The following USP54 variants were observed in gnomAD, a reference collection of about 807,000 sequenced individuals.
The protein encoded by USP54 is ubiquitin specific peptidase 54, also known as ubiquitin carboxyl-terminal hydrolase 54.
In USP54, 87 loss-of-function variants were observed where a neutral mutation model predicts 170.5. The observed-to-expected ratio is 0.51, with a 90% CI of 0.43 to 0.61. The LOEUF is 0.61. Ranked by LOEUF, USP54 falls within the 20% of genes least tolerant of loss-of-function variation. The pLI, the probability that USP54 is intolerant of heterozygous loss-of-function variation, is 0.00. For synonymous variants in USP54, 655 were observed against 742.8 expected (o/e 0.88, Z 1.92); for missense variants, 1,786 against 2,047.8 (o/e 0.87, Z 2.47).
intron 1 of USP54, chr10:73,613,921 G>A (rs1359006924): frequency 2.0e-5 from 3 of 151,070 alleles, no homozygotes; most frequent in Non-Finnish European, 4.4e-5. Context: ...ATTATAGTTA[G>A]CAAAAGGATT....
At chr10:73,548,122 A>G (rs2133579803) in intron 4 of USP54, among the ~76,000 whole-genome samples, 1 of 152,364 alleles carries the variant, frequency 6.6e-6, no homozygotes, top group Admixed American at 6.5e-5. Flanking sequence ...CAACAGACAC[A>G]TGAAAAAATG....
At chr10:73,549,623 T>C (rs2068744940) in intron 4 of USP54, among the ~76,000 whole-genome samples, 1 of 152,066 alleles carries the variant, frequency 6.6e-6, no homozygotes, top group Non-Finnish European at 1.5e-5. Context: ...CAAATATATC[T>C]AGACCCTATT....
Position 73,541,449 on chromosome 10 carries a change from C to T in USP54, c.751G>A (p.Val251Ile). 1.9e-6 allele frequency: 3 copies of T among 1,614,194 alleles called. No individual in the cohort carries two copies. The highest frequency in any genetic ancestry group is 1.7e-6 in the Non-Finnish European group (2 of 1,180,032). ...AAGTCTGAGTGGTCTGAGTCCCATA[C>T]CAGCCCAATCGTGATAATCTGTGGA... ...NAPQIITIGL[V>I]WDSDHSDLAE... Residue 251 changes from valine (V) to isoleucine (I), a missense_variant, in exon 9 of 24, where the codon GTA (valine) becomes ATA (isoleucine). Val to Ile is a conservative substitution (Grantham distance 29, BLOSUM62 3). Transcript: ENST00000687698.
chr10:73,570,407 TA>T (rs10601969), intron 4 of USP54, among the ~76,000 whole-genome samples: 26,099 of 143,882 alleles, frequency 0.18, 5,206 homozygotes, highest in African/African-American at 0.49. Flanking sequence ...GGTGGGGAAG[TA>T]AAAAAAAAAA....
intron 1 of USP54, among the ~76,000 whole-genome samples, chr10:73,590,927 T>C (rs1448910949): frequency 6.6e-6 from 1 of 152,136 alleles, no homozygotes; most frequent in Non-Finnish European, 1.5e-5. Flanking sequence ...AACCTTCTTC[T>C]GTTTGAAGGA....
chr10:73,562,697 T>C (rs1317048765), intron 4 of USP54, among the ~76,000 whole-genome samples: 1 of 152,208 alleles, frequency 6.6e-6, no homozygotes, highest in East Asian at 1.9e-4. Flanking sequence ...TCTAGTGTAG[T>C]TGGAATGTGT....
intron 4 of USP54, among the ~76,000 whole-genome samples, chr10:73,562,269 T>C (rs988289331): frequency 3.9e-5 from 6 of 152,096 alleles, no homozygotes; most frequent in African/African-American, 9.7e-5. Flanking sequence ...ACATAACATA[T>C]ACACATACAT....
chr10:73,563,668 CTCAGGAGA>C, intron 4 of USP54, among the ~76,000 whole-genome samples: 1 of 151,960 alleles, frequency 6.6e-6, no homozygotes, highest in Admixed American at 6.5e-5. Flanking sequence ...AACTCCCGAC[CTCAGGAGA>C]TCTGCCCGCC....
chr10:73,604,886 CCA>C (rs1484477814), intron 1 of USP54, among the ~76,000 whole-genome samples: 2 of 152,130 alleles, frequency 1.3e-5, no homozygotes, highest in Non-Finnish European at 2.9e-5. Context: ...AACAAAGCTT[CCA>C]CAGTGTGGAA....
chr10:73,559,059 C>T (rs753799666), intron 4 of USP54, among the ~76,000 whole-genome samples: 3 of 151,986 alleles, frequency 2.0e-5, no homozygotes, highest in Non-Finnish European at 2.9e-5. Context: ...CCGTGTTGTT[C>T]AACGGTTAAC....
chr10:73,527,342 A>C (rs1038923142), intron 15 of USP54, among the ~76,000 whole-genome samples: 2 of 152,022 alleles, frequency 1.3e-5, no homozygotes, highest in Non-Finnish European at 1.5e-5. Flanking sequence ...TACTAAAATT[A>C]CAAAAATTAG....
chr10:73,604,336 G>A (rs2079447723), intron 1 of USP54, among the ~76,000 whole-genome samples: 1 of 152,138 alleles, frequency 6.6e-6, no homozygotes, highest in Admixed American at 6.6e-5. Flanking sequence ...ACATTGGTAA[G>A]AATGTCAAAT....
intron 1 of USP54, among the ~76,000 whole-genome samples, chr10:73,589,666 A>G (rs920512184): frequency 1.3e-5 from 2 of 152,178 alleles, no homozygotes; most frequent in Non-Finnish European, 2.9e-5. Context: ...GCTATCAACA[A>G]GAGGAAAAAA....
upstream of USP54, among the ~76,000 whole-genome samples, chr10:73,595,170 C>T (rs751051474): frequency 6.6e-6 from 1 of 152,040 alleles, no homozygotes; most frequent in Non-Finnish European, 1.5e-5. Flanking sequence ...AGGTGATCCA[C>T]CCACCTCAGC....
chr10:73,618,976 A>G (rs113546478), intron 1 of USP54, among the ~76,000 whole-genome samples: 5,396 of 149,726 alleles, frequency 0.036, 200 homozygotes, highest in South Asian at 0.12. Context: ...ACTTTGGGAG[A>G]CCGAGGCAGG....
chr10:73,543,273 A>T (rs1022725908), intron 5 of USP54, 142 bp from the exon 6 acceptor site: 2 of 622,668 alleles, frequency 3.2e-6, no homozygotes, highest in Middle Eastern at 8.7e-4. Context: ...AGTTTAAAAA[A>T]ATTATAAATT....
intron 1 of USP54, among the ~76,000 whole-genome samples, chr10:73,598,453 A>G (rs2078905587): frequency 1.3e-5 from 2 of 152,174 alleles, no homozygotes; most frequent in Admixed American, 1.3e-4. Flanking sequence ...GTAACAAAAG[A>G]AAAAAATACA....
intron 1 of USP54, among the ~76,000 whole-genome samples, chr10:73,580,425 C>T (rs1055930219): frequency 4.6e-5 from 7 of 151,728 alleles, no homozygotes; most frequent in Non-Finnish European, 7.4e-5. Context: ...AACAATGTTT[C>T]AGTCAAGAAG....
chr10:73,499,170 T>C lies in USP54; in HGVS notation c.4514A>G (p.Gln1505Arg). 6.2e-7 allele frequency: 1 copy of C among 1,606,786 alleles called. No individual in the cohort carries two copies. Among genetic ancestry groups the C allele is most frequent in the Non-Finnish European group, 8.5e-7 (1 of 1,177,214 alleles). The change falls in exon 24 of 24, where the codon CAG becomes CGG. Residue 1505 changes from glutamine (Q) to arginine (R), a missense_variant. Physicochemically the swap from Gln to Arg is conservative, Grantham distance 43. This residue lies in a region of USP54 where 1,418 missense variants were observed against 1,569.0 expected (regional missense o/e 0.90). Coordinates refer to ENST00000687698, the MANE Select transcript of USP54 (RefSeq NM_001391956.1). ...NRLPGTSRSV[Q>R]QFLAMCDRGE... ...CCTGTCACACATAGCCAGAAACTGC[T>C]GGACACTCCTTGAAGTTCCTGGGGA...
Sources: allele counts gnomAD v4.1 joint callset (sites outside exome capture counted in the v4.1 genomes callset), GRCh38; gene constraint gnomAD v4.1.1; regional missense constraint gnomAD v4.1.1; transcripts MANE v1.5; gene names NCBI Gene and HGNC (gene_info 2026-07-23, HGNC 2026-07-21).